Variants in TOR1AIP1 observed in about 807,000 individuals in gnomAD.
TOR1AIP1 encodes the protein torsin 1A interacting protein 1.
In TOR1AIP1, 54 loss-of-function variants were observed where a neutral mutation model predicts 63.3. That is an observed-to-expected ratio of 0.85 (90% CI 0.69 to 1.07). The LOEUF (loss-of-function observed/expected upper bound fraction) is 1.07, where lower values mean the gene tolerates loss of function less well. TOR1AIP1 is among the 50% of genes least tolerant of loss of function. The pLI is 0.00. For synonymous variants in TOR1AIP1, 294 were observed against 273.5 expected, an observed-to-expected ratio of 1.07 and a Z score of -0.74; for missense variants, 736 against 715.0, an observed-to-expected ratio of 1.03 and a Z score of -0.33.
At chr1:179,907,739 G>C in intron 6 of TOR1AIP1, 84 bp from the exon 7 acceptor site, 1 of 1,048,888 alleles carries the variant, frequency 9.5e-7, no homozygotes, top group South Asian at 1.7e-5. Flanking sequence ...AGTATCCACA[G>C]TAAACAAGCA....
chr1:179,904,374 T>G (rs900195901), intron 6 of TOR1AIP1, among the ~76,000 whole-genome samples: 3 of 152,194 alleles, frequency 2.0e-5, no homozygotes, highest in African/African-American at 7.2e-5. Flanking sequence ...ACATAAAATT[T>G]TATATTAGTA....
intron 3 of TOR1AIP1, among the ~76,000 whole-genome samples, chr1:179,899,692 T>TG (rs1173536311): frequency 6.6e-6 from 1 of 152,254 alleles, no homozygotes; most frequent in Non-Finnish European, 1.5e-5. Flanking sequence ...TCGCCCAGGC[T>TG]GGTATACAGT....
At chr1:179,894,850 AG>A (rs1189215588) in intron 3 of TOR1AIP1, among the ~76,000 whole-genome samples, 2 of 152,236 alleles carry the variant, frequency 1.3e-5, no homozygotes, top group African/African-American at 2.4e-5. Context: ...CCTCACACCA[AG>A]TACCTCCCAC....
chr1:179,896,910 G>A (rs1648298841), intron 3 of TOR1AIP1, among the ~76,000 whole-genome samples: 1 of 152,100 alleles, frequency 6.6e-6, no homozygotes. Flanking sequence ...TGAAAACCTT[G>A]TTTTAAAATG....
rs778824138 is a variant in TOR1AIP1 at position 179,908,638 on chromosome 1, C to A, written c.872C>A (p.Ala291Asp). The change falls in exon 8 of 10, where the codon GCC becomes GAC. Residue 291 changes from alanine to aspartate, a missense_variant. Coordinates refer to ENST00000606911, the MANE Select transcript of TOR1AIP1 (RefSeq NM_015602.4). ...SGYQKTPQEW[A>D]PQTARIRTRM... ...TATCAAAAAACTCCCCAGGAATGGG[C>A]CCCACAAACTGCAAGAATAAGGACC... The A allele has an allele frequency of 6.2e-7, 1 of 1,613,394 alleles. No homozygotes were observed. Among genetic ancestry groups the A allele is most frequent in the Admixed American group, 1.7e-5 (1 of 59,998 alleles).
In TOR1AIP1 at chr1:179,917,554, G is replaced by C. The variant is rs752818462; in HGVS notation, c.1067G>C (p.Ser356Thr). ...GCCTCTGGGAGTTTTTGGTTCTTTA[G>C]TACTCCTGAGGTAGAAACCACTGCT... Reference protein sequence around the residue: ...ALASGSFWFFSTPEVETTAVQ... With the variant: ...ALASGSFWFFTTPEVETTAVQ... The change falls in exon 10 of 10, where the codon AGT becomes ACT. Residue 356 changes from serine to threonine, a missense_variant. This residue lies in a region of TOR1AIP1 where 272 missense variants were observed against 344.1 expected (regional missense o/e 0.79). Transcript: ENST00000606911. 1.2e-6 allele frequency: 2 copies of C among 1,614,068 alleles called. No homozygotes were observed. Among genetic ancestry groups the C allele is most frequent in the Non-Finnish European group, 1.7e-6 (2 of 1,180,020 alleles).
Position 179,882,547 on chromosome 1 carries a change from G to A in TOR1AIP1, c.45G>A (p.Trp15Ter). 6.7e-7 allele frequency: 1 copy of A among 1,494,656 alleles called. No individual in the cohort carries two copies. The highest frequency in any genetic ancestry group is 8.9e-7 in the Non-Finnish European group (1 of 1,125,110). 92.6% of individuals were successfully genotyped at this position (1,494,656 alleles called of 1,614,324 possible). Reference sequence around the variant, plus strand: ...GGGCAGAGGCGGTGCGGGAAGGATGGGGTGTGTACGTCACCCCCAGGGCCC... The same window carrying A: ...GGGCAGAGGCGGTGCGGGAAGGATGAGGTGTGTACGTCACCCCCAGGGCCC... ...GRRAEAVREG[W>*]GVYVTPRAPI... is the part of the protein sequence containing the mutation. The change falls in exon 1 of 10, where the codon TGG becomes TGA. Residue 15 changes from tryptophan to a stop codon, truncating the protein, a stop_gained. Coordinates refer to ENST00000606911, the MANE Select transcript of TOR1AIP1 (RefSeq NM_015602.4). LOFTEE classifies it high-confidence loss of function.
In TOR1AIP1 at chr1:179,882,668, GA is replaced by G. The variant is rs1647751628; in HGVS notation, c.168del (p.Val57Ter). The G allele has an allele frequency of 6.3e-7, 1 of 1,594,354 alleles. No homozygotes were observed. Among genetic ancestry groups the G allele is most frequent in the Non-Finnish European group, 8.6e-7 (1 of 1,169,470 alleles). ...RTPPSRQGRR[E>X]VRFSDEPPEV... Reference sequence around the variant, plus strand: ...TCCTCCGTCGCGCCAGGGCCGGCGGGAAGTGAGGTTCTCGGACGAGCCGCCA... The same window carrying G: ...TCCTCCGTCGCGCCAGGGCCGGCGGGAGTGAGGTTCTCGGACGAGCCGCCA... On this transcript the variant is annotated frameshift_variant, in exon 1 of 10. Coordinates refer to ENST00000606911, the MANE Select transcript of TOR1AIP1 (RefSeq NM_015602.4). LOFTEE classifies it high-confidence loss of function.
chr1:179,882,508 G>A lies in TOR1AIP1; in HGVS notation c.6G>A (p.Ala2=). Residue 2 remains alanine (A), a synonymous_variant, in exon 1 of 10, where the codon GCG becomes GCA. Coordinates refer to ENST00000606911, the MANE Select transcript of TOR1AIP1 (RefSeq NM_015602.4). M[A]GDGRRAEAVR... is the part of the protein sequence containing the mutation. ...CTAAAGCTACGTCAACAACTATGGCGGGCGACGGGCGGCGGGCAGAGGCGG... is the reference window on the plus strand; with the variant it reads ...CTAAAGCTACGTCAACAACTATGGCAGGCGACGGGCGGCGGGCAGAGGCGG... The A allele has an allele frequency of 1.4e-6, 2 of 1,454,340 alleles. No homozygotes were observed. Among genetic ancestry groups the A allele is most frequent in the Non-Finnish European group, 1.8e-6 (2 of 1,103,072 alleles). 90.1% of individuals were successfully genotyped at this position (1,454,340 alleles called of 1,614,324 possible). A position where few individuals can be genotyped will look rare whatever the true frequency, so the allele number is the denominator to read the frequency against.
chr1:179,891,451 C>G (rs1301169357), intron 3 of TOR1AIP1, among the ~76,000 whole-genome samples: 1 of 151,734 alleles, frequency 6.6e-6, no homozygotes, highest in East Asian at 1.9e-4. Flanking sequence ...TTCAAACTCC[C>G]TGACCTTGTG....
intron 6 of TOR1AIP1, among the ~76,000 whole-genome samples, chr1:179,907,278 A>C (rs1330655048): frequency 6.6e-6 from 1 of 151,432 alleles, no homozygotes. Flanking sequence ...AAGACAAAAA[A>C]TTTGGTCAGG....
intron 3 of TOR1AIP1, among the ~76,000 whole-genome samples, chr1:179,898,491 A>C: frequency 6.6e-6 from 1 of 152,230 alleles, no homozygotes; most frequent in African/African-American, 2.4e-5. Context: ...AATATGAAGT[A>C]CTATAATAAT....
chr1:179,916,700 C>CTTTTTTTTT (rs3029850), intron 9 of TOR1AIP1, among the ~76,000 whole-genome samples: 39 of 95,154 alleles, frequency 4.1e-4, no homozygotes, highest in Admixed American at 4.5e-4. Context: ...GCATCCTTTT[C>CTTTTTTTTT]TTTTTTTTTT....
intron 9 of TOR1AIP1, 138 bp downstream of exon 9, chr1:179,914,192 A>G (rs935017842): frequency 2.2e-5 from 16 of 741,834 alleles, no homozygotes; most frequent in East Asian, 5.5e-5. Flanking sequence ...AGGAAAAAGT[A>G]TATATTCTAC....
rs1649078706 is a variant in TOR1AIP1, at chr1:179,918,026, A to G, written c.1539A>G (p.Leu513=). ...FKDVALVLTV[L]LEEETLGTSL... ...ATGTAGCCTTAGTCCTGACTGTCTT[A>G]TTGGAGGAAGAGACACTTGGAACAA... Residue 513 remains leucine (L), a synonymous_variant, in exon 10 of 10, where the codon TTA becomes TTG. Transcript: ENST00000606911. 1 of 1,614,238 alleles carries G rather than the reference A, an allele frequency of 6.2e-7. No homozygotes were observed. Among genetic ancestry groups the G allele is most frequent in the Non-Finnish European group, 8.5e-7 (1 of 1,180,036 alleles).
intron 3 of TOR1AIP1, among the ~76,000 whole-genome samples, chr1:179,899,281 A>G (rs1186595164): frequency 6.6e-6 from 1 of 151,244 alleles, no homozygotes; most frequent in African/African-American, 2.4e-5. Flanking sequence ...TTTAAGTTTC[A>G]GAATAGCCCA....
chr1:179,899,255 C>G (rs989724852), intron 3 of TOR1AIP1, among the ~76,000 whole-genome samples: 1 of 50,284 alleles, frequency 2.0e-5, no homozygotes, highest in African/African-American at 6.3e-5. Context: ...GGGTACATCT[C>G]ACTATTTTTT....
rs748169407 is a variant in TOR1AIP1 at position 179,882,592 on chromosome 1, C to G, written c.90C>G (p.Gly30=). Residue 30 remains glycine (G), a synonymous_variant, in exon 1 of 10, where the codon GGC becomes GGG. Coordinates refer to ENST00000606911, the MANE Select transcript of TOR1AIP1 (RefSeq NM_015602.4). ...TPRAPIREGR[G]RLAPQNGGSS... ...GGGCCCCCATCCGAGAGGGAAGGGG[C>G]CGGCTCGCCCCTCAAAATGGCGGCA... is the stretch of plus-strand genomic sequence containing the variant. 1 of 1,523,778 alleles carries G rather than the reference C, an allele frequency of 6.6e-7. No homozygotes were observed. The highest frequency in any genetic ancestry group is 2.3e-5 in the East Asian group (1 of 44,070). 94.4% of individuals were successfully genotyped at this position (1,523,778 alleles called of 1,614,324 possible).
chr1:179,899,416 T>C (rs1648380045), intron 3 of TOR1AIP1, among the ~76,000 whole-genome samples: 1 of 152,206 alleles, frequency 6.6e-6, no homozygotes, highest in Admixed American at 6.5e-5. Flanking sequence ...TTCTTTACCT[T>C]TCTTCCTCTT....
Sources: allele counts gnomAD v4.1 joint callset (sites outside exome capture counted in the v4.1 genomes callset), GRCh38; gene constraint gnomAD v4.1.1; regional missense constraint gnomAD v4.1.1; transcripts MANE v1.5; gene names NCBI Gene and HGNC (gene_info 2026-07-23, HGNC 2026-07-21).